Variants in PCDHA6 observed in about 807,000 individuals in gnomAD.
The protein encoded by PCDHA6 is protocadherin alpha 6.
A neutral mutation model predicts 60.3 loss-of-function variants in PCDHA6; 55 were observed. The ratio of observed to expected loss-of-function variants is 0.91; its 90% CI spans 0.73 to 1.14. The LOEUF (loss-of-function observed/expected upper bound fraction) is 1.14. PCDHA6 is among the 50% of genes most tolerant of loss of function. The probability of loss-of-function intolerance (pLI) is 0.00; values close to 1 mark genes in which losing one functional copy is unlikely to be tolerated. For synonymous variants in PCDHA6, 652 were observed against 557.9 expected, an observed-to-expected ratio of 1.17 and a Z score of -2.38; for missense variants, 1,327 against 1,256.5, an observed-to-expected ratio of 1.06 and a Z score of -0.85.
intron 3 of PCDHA6, among the ~76,000 whole-genome samples, chr5:140,998,871 A>C (rs1554256499): frequency 6.6e-6 from 1 of 152,200 alleles, no homozygotes; most frequent in African/African-American, 2.4e-5. Flanking sequence ...CTTGTAAATA[A>C]TAAGTTTAGT....
chr5:140,885,011 C>T (rs545880418), intron 1 of PCDHA6, among the ~76,000 whole-genome samples: 16 of 152,240 alleles, frequency 1.1e-4, no homozygotes, highest in Admixed American at 5.9e-4. Context: ...TGAGGCTAAT[C>T]GTAATCTTAA....
chr5:140,913,036 A>G (rs2076178944), intron 1 of PCDHA6, among the ~76,000 whole-genome samples: 3 of 152,190 alleles, frequency 2.0e-5, no homozygotes, highest in African/African-American at 7.2e-5. Context: ...CATCAGATAT[A>G]TTGGCCTGGA....
At chr5:140,833,630 C>T (rs1253718011) in intron 1 of PCDHA6, among the ~76,000 whole-genome samples, 1 of 152,092 alleles carries the variant, frequency 6.6e-6, no homozygotes, top group East Asian at 1.9e-4. Context: ...ATACTTCCTC[C>T]TCAAAAAGTT....
At chr5:140,835,908 T>A in intron 1 of PCDHA6, 1 of 1,612,190 alleles carries the variant, frequency 6.2e-7, no homozygotes, top group Admixed American at 1.7e-5. Flanking sequence ...GAGCTACGTG[T>A]CAGTGCACGC....
At chr5:140,911,271 C>G (rs2075400243) in intron 1 of PCDHA6, among the ~76,000 whole-genome samples, 1 of 152,072 alleles carries the variant, frequency 6.6e-6, no homozygotes, top group Non-Finnish European at 1.5e-5. Flanking sequence ...TCTCAGTGTC[C>G]CCAGCTTCAT....
Position 141,009,839 on chromosome 5 carries a change from A to G in PCDHA6, c.2755A>G (p.Lys919Glu), listed in dbSNP as rs2098414795. 6.2e-7 allele frequency: 1 copy of G among 1,614,164 alleles called. No individual in the cohort carries two copies. Residue 919 changes from lysine (K) to glutamate (E), a missense_variant, in exon 4 of 4, where the codon AAG becomes GAG. Coordinates refer to ENST00000529310, the MANE Select transcript of PCDHA6 (RefSeq NM_018909.4). The part of the protein sequence containing the change: ...DKSDFITFGK[K>E]EETKKKKKKK... ...AAGTGACTTCATAACCTTCGGCAAA[A>G]AGGAGGAGACCAAGAAAAAGAAGAA...
chr5:140,888,421 G>T (rs1046155514), intron 1 of PCDHA6, among the ~76,000 whole-genome samples: 9 of 152,144 alleles, frequency 5.9e-5, no homozygotes. Context: ...ACATCCTACC[G>T]TGCACAGGAC....
Position 140,830,390 on chromosome 5 carries a change from A to G in PCDHA6, c.2299A>G (p.Met767Val), listed in dbSNP as rs1554132803. ...RVCSGEGPPK[M>V]DLMAFSPSLS... ...GTGCTCCGGGGAGGGCCCACCCAAG[A>G]TGGATCTCATGGCCTTTAGCCCCAG... The change falls in exon 1 of 4, where the codon ATG (methionine) becomes GTG (valine). Residue 767 changes from methionine (M) to valine (V), a missense_variant. Met to Val is a conservative substitution (Grantham distance 21). Coordinates refer to ENST00000529310, the MANE Select transcript of PCDHA6 (RefSeq NM_018909.4). 3 of 1,614,042 alleles carry G rather than the reference A, an allele frequency of 1.9e-6. No individual in the cohort carries two copies. Among genetic ancestry groups the G allele is most frequent in the South Asian group, 1.1e-5 (1 of 91,094 alleles).
Position 140,829,291 on chromosome 5 carries a change from CT to C in PCDHA6, c.1202del (p.Phe401SerfsTer25). The C allele has an allele frequency of 6.2e-7, 1 of 1,614,248 alleles. No homozygotes were observed. Among genetic ancestry groups the C allele is most frequent in the Non-Finnish European group, 8.5e-7 (1 of 1,180,050 alleles). On this transcript the variant is annotated frameshift_variant, in exon 1 of 4. Coordinates refer to ENST00000529310, the MANE Select transcript of PCDHA6 (RefSeq NM_018909.4). LOFTEE classifies it high-confidence loss of function. ...PHVPFKLVST[F>X]KNYYSLVLDS... ...ACGTCCCTTTCAAGCTGGTGTCCAC[CT>C]TCAAGAATTACTACTCGTTGGTGCT...
chr5:140,905,399 A>AT (rs1414882789), intron 1 of PCDHA6, among the ~76,000 whole-genome samples: 8 of 152,142 alleles, frequency 5.3e-5, no homozygotes, highest in African/African-American at 1.9e-4. Context: ...CTGTGTGCCT[A>AT]TTTTTATACC....
At chr5:140,852,249 T>C (rs2042280411) in intron 1 of PCDHA6, 1 of 535,278 alleles carries the variant, frequency 1.9e-6, no homozygotes, top group Non-Finnish European at 2.5e-6. Flanking sequence ...AAACACACTT[T>C]TGGAATATGC....
At chr5:140,836,216 G>A in intron 1 of PCDHA6, 1 of 1,613,840 alleles carries the variant, frequency 6.2e-7, no homozygotes, top group Non-Finnish European at 8.5e-7. Flanking sequence ...CGTATGAGTT[G>A]CAACCGGTGG....
chr5:140,916,142 T>C (rs868910993), intron 1 of PCDHA6, among the ~76,000 whole-genome samples: 2 of 151,944 alleles, frequency 1.3e-5, no homozygotes, highest in African/African-American at 4.8e-5. Context: ...GGCTGTTCAG[T>C]TGTGTTGTGG....
At chr5:140,880,009 T>C (rs2058206618) in intron 1 of PCDHA6, among the ~76,000 whole-genome samples, 1 of 152,232 alleles carries the variant, frequency 6.6e-6, no homozygotes, top group African/African-American at 2.4e-5. Context: ...TTATTCACCA[T>C]ATAAAGTAAA....
chr5:140,997,664 C>A (rs2097778003), intron 3 of PCDHA6, among the ~76,000 whole-genome samples: 1 of 142,906 alleles, frequency 7.0e-6, no homozygotes, highest in African/African-American at 2.5e-5. Context: ...TATTATTATA[C>A]AGCTTGTGTG....
intron 1 of PCDHA6, chr5:140,852,112 T>C: frequency 1.1e-6 from 1 of 910,156 alleles, no homozygotes; most frequent in Non-Finnish European, 1.3e-6. Flanking sequence ...TTACAAGGTA[T>C]GACCTAATTA....
intron 1 of PCDHA6, among the ~76,000 whole-genome samples, chr5:140,938,975 C>T (rs1249900927): frequency 6.6e-6 from 1 of 152,188 alleles, no homozygotes; most frequent in African/African-American, 2.4e-5. Flanking sequence ...GGCATCAAGG[C>T]TATCCTGGCT....
chr5:140,992,405 C>T (rs962261885), intron 3 of PCDHA6, among the ~76,000 whole-genome samples: 1 of 152,152 alleles, frequency 6.6e-6, no homozygotes, highest in Non-Finnish European at 1.5e-5. Context: ...AGATATTGTT[C>T]TGCCCCAGGT....
At chr5:140,934,729 T>G (rs2090016432) in intron 1 of PCDHA6, among the ~76,000 whole-genome samples, 1 of 152,164 alleles carries the variant, frequency 6.6e-6, no homozygotes, top group Non-Finnish European at 1.5e-5. Context: ...CAAGGCCTTT[T>G]TTAGGTGTCA....
Sources: allele counts gnomAD v4.1 joint callset (sites outside exome capture counted in the v4.1 genomes callset), GRCh38; gene constraint gnomAD v4.1.1; transcripts MANE v1.5; gene names NCBI Gene and HGNC (gene_info 2026-07-23, HGNC 2026-07-21).